The following OPCML variants were observed in gnomAD, a reference collection of about 807,000 sequenced individuals.
OPCML encodes the protein opioid-binding protein/cell adhesion molecule.
OPCML carries 13 observed loss-of-function variants against 37.8 expected under a neutral mutation model. The ratio of observed to expected loss-of-function variants is 0.34; its 90% CI spans 0.22 to 0.55. The LOEUF (loss-of-function observed/expected upper bound fraction) is 0.55. Among genes scored for constraint, OPCML ranks in the 20% least tolerant of loss-of-function variants. The probability of loss-of-function intolerance (pLI) is 0.91; values close to 1 mark genes in which losing one functional copy is unlikely to be tolerated. For synonymous variants in OPCML, 176 were observed against 168.8 expected, an observed-to-expected ratio of 1.04 and a Z score of -0.33; for missense variants, 341 against 435.6, an observed-to-expected ratio of 0.78 and a Z score of 1.93.
At chr11:133,446,496 C>A (rs543330532) in intron 1 of OPCML, among the ~76,000 whole-genome samples, 2 of 152,214 alleles carry the variant, frequency 1.3e-5, no homozygotes, top group East Asian at 3.9e-4. Context: ...GTAGTCATAG[C>A]TCGTTGCAAT....
At chr11:133,108,220 A>C (rs998864378) in intron 1 of OPCML, among the ~76,000 whole-genome samples, 1 of 152,204 alleles carries the variant, frequency 6.6e-6, no homozygotes, top group African/African-American at 2.4e-5. Context: ...GTACACTTTC[A>C]GATGGGGCCA....
intron 3 of OPCML, among the ~76,000 whole-genome samples, chr11:132,610,259 C>T (rs988371375): frequency 6.6e-6 from 1 of 152,198 alleles, no homozygotes; most frequent in Non-Finnish European, 1.5e-5. Flanking sequence ...AGGGATTACT[C>T]AGCTGTTTCT....
intron 1 of OPCML, among the ~76,000 whole-genome samples, chr11:133,162,535 G>C (rs1950158243): frequency 6.6e-6 from 1 of 152,224 alleles, no homozygotes; most frequent in South Asian, 2.1e-4. Flanking sequence ...TGCAGGGAGA[G>C]AGGGTGTGGA....
intron 3 of OPCML, among the ~76,000 whole-genome samples, chr11:132,649,915 A>G (rs113739666): frequency 2.7e-4 from 41 of 150,450 alleles, no homozygotes; most frequent in Non-Finnish European, 5.0e-4. Context: ...GCCCTCACAC[A>G]TACACGCACT....
At chr11:132,721,585 C>T (rs759256779) in intron 2 of OPCML, among the ~76,000 whole-genome samples, 12 of 152,058 alleles carry the variant, frequency 7.9e-5, no homozygotes, top group Admixed American at 3.3e-4. Flanking sequence ...AGAAGTGTTA[C>T]GATTCAGCTG....
At position 132,416,378 on chromosome 11, in the gene OPCML, T is replaced by G. The variant is rs1001487290; in HGVS notation, c.*3815A>C. On this transcript the variant is annotated 3_prime_UTR_variant, in exon 8 of 8. Coordinates refer to ENST00000524381, the MANE Select transcript of OPCML (RefSeq NM_001012393.5). ...AGCCAACCAGCACTTGAAAATTCAA[T>G]GTACAGCCACTCCTGATGCCGCCAC... 3 of 152,188 alleles carry G rather than the reference T, an allele frequency of 2.0e-5. No homozygotes were observed. Among genetic ancestry groups the G allele is most frequent in the Non-Finnish European group, 4.4e-5 (3 of 68,044 alleles). 9.4% of individuals were successfully genotyped at this position (152,188 alleles called of 1,614,324 possible). A position where few individuals can be genotyped will look rare whatever the true frequency, so the allele number is the denominator to read the frequency against.
intron 2 of OPCML, among the ~76,000 whole-genome samples, chr11:132,898,663 A>T (rs575102826): frequency 6.6e-6 from 1 of 152,298 alleles, no homozygotes; most frequent in East Asian, 1.9e-4. Flanking sequence ...GGAGTCAGGA[A>T]TCACAGAGTG....
At chr11:133,297,143 A>T (rs1942650514) in intron 1 of OPCML, 1 of 152,178 alleles carries the variant, frequency 6.6e-6, no homozygotes, top group South Asian at 2.1e-4. Context: ...TAGGCTTCTG[A>T]GGTCTCTCCT....
At chr11:133,141,227 C>G (rs1382234283) in intron 1 of OPCML, among the ~76,000 whole-genome samples, 1 of 151,912 alleles carries the variant, frequency 6.6e-6, no homozygotes, top group Non-Finnish European at 1.5e-5. Flanking sequence ...CCATTCCAAG[C>G]CGGGCTCTCG....
intron 2 of OPCML, among the ~76,000 whole-genome samples, chr11:132,905,183 A>C (rs185580092): frequency 6.7e-6 from 1 of 148,566 alleles, no homozygotes; most frequent in East Asian, 2.0e-4. Context: ...CCCAGTGTCT[A>C]TCTCACAGAT....
intron 1 of OPCML, among the ~76,000 whole-genome samples, chr11:133,167,162 A>G (rs544078913): frequency 6.6e-6 from 1 of 152,196 alleles, no homozygotes; most frequent in Non-Finnish European, 1.5e-5. Flanking sequence ...CGGCGCTGGA[A>G]GGCTGCTCGG....
At chr11:133,191,451 G>T (rs1938309215) in intron 1 of OPCML, among the ~76,000 whole-genome samples, 3 of 151,550 alleles carry the variant, frequency 2.0e-5, no homozygotes, top group African/African-American at 7.3e-5. Context: ...AAATTCTATA[G>T]TTCTACCTAA....
intron 1 of OPCML, among the ~76,000 whole-genome samples, chr11:133,043,010 C>T (rs923416797): frequency 6.6e-6 from 1 of 152,148 alleles, no homozygotes; most frequent in African/African-American, 2.4e-5. Context: ...AGACACCCAG[C>T]AAGTCTCAGA....
At chr11:132,706,824 G>C (rs192274447) in intron 2 of OPCML, among the ~76,000 whole-genome samples, 1 of 152,158 alleles carries the variant, frequency 6.6e-6, no homozygotes, top group Non-Finnish European at 1.5e-5. Context: ...TTATTTGTTT[G>C]AGTTGTACAT....
At chr11:132,849,455 A>G (rs767188989) in intron 2 of OPCML, among the ~76,000 whole-genome samples, 1 of 152,230 alleles carries the variant, frequency 6.6e-6, no homozygotes, top group Non-Finnish European at 1.5e-5. Context: ...AAGTGGCAGC[A>G]TCTTCTGGAA....
intron 4 of OPCML, among the ~76,000 whole-genome samples, chr11:132,523,916 T>C (rs2096301012): frequency 6.6e-6 from 1 of 152,248 alleles, no homozygotes; most frequent in Non-Finnish European, 1.5e-5. Context: ...TGTTACTGTA[T>C]CTGAGTAGAC....
chr11:132,536,627 C>T lies in OPCML; in HGVS notation c.380-7441G>A, dbSNP rs115309679. On this transcript the variant is annotated intron_variant, in intron 3 of 7. Coordinates refer to ENST00000524381, the MANE Select transcript of OPCML (RefSeq NM_001012393.5). ...TCATTACAGTTTTAAACACTCAAGG[C>T]TATTTTACAAAAATAATACCGAAAA... is the stretch of plus-strand genomic sequence containing the variant. 3.6e-3 allele frequency among the ~76,000 whole-genome samples: 542 copies of T among 152,214 alleles called. 3 individuals are homozygous for T. The highest frequency in any genetic ancestry group is 0.01 in the African/African-American group (417 of 41,536).
At chr11:132,977,054 C>T (rs1946481455) in intron 1 of OPCML, among the ~76,000 whole-genome samples, 1 of 152,232 alleles carries the variant, frequency 6.6e-6, no homozygotes, top group Non-Finnish European at 1.5e-5. Flanking sequence ...CACTGGGTTA[C>T]TTTCTCCACA....
In OPCML at chr11:132,694,193, T is replaced by C. The variant is rs1163820222; in HGVS notation, c.147-36874A>G. 1.7e-5 allele frequency among the ~76,000 whole-genome samples: 2 copies of C among 119,008 alleles called. 1 individual carries two copies. Among genetic ancestry groups the C allele is most frequent in the African/African-American group, 6.7e-5 (2 of 30,072 alleles). 78.1% of individuals were successfully genotyped at this position (119,008 alleles called of 152,430 possible). ...GAAATCAATGTCTTTTTTTTTTTTT[T>C]TTTTTTTTTTTTTTTTTTTTTTTTA... is the stretch of plus-strand genomic sequence containing the variant. On this transcript the variant is annotated intron_variant, in intron 2 of 7. Coordinates refer to ENST00000524381, the MANE Select transcript of OPCML (RefSeq NM_001012393.5).
Sources: gnomAD v4.1 joint callset for allele counts (sites outside exome capture counted in the v4.1 genomes callset) on GRCh38, gnomAD v4.1.1 for gene constraint, MANE v1.5 for transcripts, NCBI Gene and HGNC (gene_info 2026-07-23, HGNC 2026-07-21) for gene names.